The following PHF11 variants were observed in gnomAD, a reference collection of about 807,000 sequenced individuals.
PHF11 encodes the protein PHD finger protein 11.
Under a neutral mutation model 40.5 loss-of-function variants are expected in PHF11, and 38 were observed. The observed-to-expected ratio is 0.94, with a 90% CI of 0.72 to 1.23. The LOEUF (loss-of-function observed/expected upper bound fraction) is 1.23. Among genes scored for constraint, PHF11 ranks in the 50% most tolerant of loss-of-function variants. PHF11 has a pLI of 0.00. For synonymous variants in PHF11, 127 were observed against 138.2 expected (o/e 0.92, Z 0.57); for missense variants, 369 against 392.4 (o/e 0.94, Z 0.50).
In PHF11 at chr13:49,522,807, C is replaced by G. The variant is rs149460773; in HGVS notation, c.571-368C>G. ...TGAGACAGAGTCTCTCTCTGTCACC[C>G]AGGATGGAGTGCAATGGTGTGATCT... On this transcript the variant is annotated intron_variant, in intron 6 of 9. Transcript: ENST00000378319. 5.9e-3 allele frequency among the ~76,000 whole-genome samples: 826 copies of G among 140,544 alleles called. 5 individuals are homozygous for G. The highest frequency in any genetic ancestry group is 0.02 in the African/African-American group (751 of 37,122). The allele number at this position is 140,544 out of a possible 152,430, so 92.2% of individuals were successfully genotyped here.
chr13:49,527,882 T>G (rs1959378775), intron 9 of PHF11, among the ~76,000 whole-genome samples: 1 of 152,242 alleles, frequency 6.6e-6, no homozygotes, highest in African/African-American at 2.4e-5. Context: ...TTAGCCTTAC[T>G]CATATTTTAA....
intron 8 of PHF11, among the ~76,000 whole-genome samples, chr13:49,524,988 C>T (rs1377026579): frequency 1.3e-5 from 2 of 152,164 alleles, no homozygotes; most frequent in Non-Finnish European, 2.9e-5. Context: ...CCCCTGCCAC[C>T]GCCCTGCATT....
At chr13:49,496,150 C>T (rs902736561) in intron 1 of PHF11, 55 bp downstream of exon 1, 3 of 1,028,406 alleles carry the variant, frequency 2.9e-6, no homozygotes, top group Non-Finnish European at 3.8e-6. Flanking sequence ...GCGACGGGCC[C>T]GGTCAAGGGG....
intron 3 of PHF11, among the ~76,000 whole-genome samples, chr13:49,517,114 C>T (rs944533620): frequency 3.3e-5 from 5 of 152,126 alleles, no homozygotes; most frequent in Non-Finnish European, 7.3e-5. Context: ...CAGTTACCCT[C>T]CTCCCAAATT....
At chr13:49,504,774 G>C (rs368415524) in intron 1 of PHF11, among the ~76,000 whole-genome samples, 35 of 151,716 alleles carry the variant, frequency 2.3e-4, no homozygotes, top group East Asian at 2.1e-3. Flanking sequence ...GAATAGAAAG[G>C]GGGGAAAGGT....
rs1194609006 is a variant in PHF11 at position 49,522,085 on chromosome 13, C to T, written c.548C>T (p.Pro183Leu). 6.4e-7 allele frequency: 1 copy of T among 1,557,148 alleles called. No homozygotes were observed. The highest frequency in any genetic ancestry group is 1.1e-5 in the South Asian group (1 of 88,924). The change falls in exon 6 of 10, where the codon CCC becomes CTC. Residue 183 changes from proline to leucine, a missense_variant. Coordinates refer to ENST00000378319, the MANE Select transcript of PHF11 (RefSeq NM_001040443.3). ...AAAAGAAAAAGAGGAAGGAAGAAACCCCTCTCAGGCAATCATGTACAGGTA... is the reference window on the plus strand; with the variant it reads ...AAAAGAAAAAGAGGAAGGAAGAAACTCCTCTCAGGCAATCATGTACAGGTA... Reference protein sequence around the residue: ...GVKRKRGRKKPLSGNHVQPPE... With the variant: ...GVKRKRGRKKLLSGNHVQPPE...
intron 2 of PHF11, among the ~76,000 whole-genome samples, chr13:49,512,794 C>G (rs1160200692): frequency 6.6e-6 from 1 of 152,166 alleles, no homozygotes. Context: ...ATCAGACTGA[C>G]CCAGCTTGGC....
intron 8 of PHF11, 45 bp downstream of exon 8, chr13:49,524,261 G>T: frequency 1.4e-6 from 2 of 1,423,618 alleles, no homozygotes; most frequent in Non-Finnish European, 1.9e-6. Flanking sequence ...ACTTCTCCCA[G>T]ATCTAGATTT....
At chr13:49,512,549 C>G (rs544882088) in intron 2 of PHF11, among the ~76,000 whole-genome samples, 1 of 152,318 alleles carries the variant, frequency 6.6e-6, no homozygotes, top group South Asian at 2.1e-4. Context: ...TCAAGTAGCA[C>G]ATAGAGACTT....
chr13:49,526,025 C>T (rs1040567559), intron 8 of PHF11: 142 of 322,036 alleles, frequency 4.4e-4, no homozygotes, highest in African/African-American at 1.1e-3. Flanking sequence ...AAAAATTAGC[C>T]GGGCGTGGCG....
At chr13:49,499,396 C>A (rs1320810502) in intron 1 of PHF11, among the ~76,000 whole-genome samples, 1 of 152,206 alleles carries the variant, frequency 6.6e-6, no homozygotes, top group African/African-American at 2.4e-5. Flanking sequence ...AATATCCTAT[C>A]CTTAGGCTCC....
chr13:49,499,220 C>G (rs1958868279), intron 1 of PHF11, among the ~76,000 whole-genome samples: 1 of 152,170 alleles, frequency 6.6e-6, no homozygotes. Flanking sequence ...GAAACCAGCC[C>G]AATCTGAACT....
chr13:49,504,476 C>A (rs562698439), intron 1 of PHF11, among the ~76,000 whole-genome samples: 1 of 148,272 alleles, frequency 6.7e-6, no homozygotes, highest in Non-Finnish European at 1.5e-5. Flanking sequence ...TACTCCCCAG[C>A]CCCCCGCCCG....
intron 2 of PHF11, among the ~76,000 whole-genome samples, chr13:49,508,449 T>C (rs865887907): frequency 4.0e-5 from 6 of 149,470 alleles, no homozygotes; most frequent in Middle Eastern, 3.2e-3. Context: ...CTCCAATTAT[T>C]TAGGTCTTTT....
chr13:49,498,399 G>C (rs1248067460), intron 1 of PHF11, among the ~76,000 whole-genome samples: 3 of 130,824 alleles, frequency 2.3e-5, no homozygotes, highest in East Asian at 4.2e-4. Flanking sequence ...CATTCTGACA[G>C]TAACCTAGTA....
chr13:49,525,902 C>T (rs1246124244), intron 8 of PHF11: 10 of 427,526 alleles, frequency 2.3e-5, no homozygotes, highest in Non-Finnish European at 4.2e-5. Flanking sequence ...GGCGCGGTGG[C>T]TCACGCCTGT....
At chr13:49,496,481 C>A in intron 1 of PHF11, 1 of 1,004,140 alleles carries the variant, frequency 1.0e-6, no homozygotes, top group Non-Finnish European at 1.2e-6. Context: ...CGCCCTGATG[C>A]GGTGAGGCAG....
chr13:49,498,847 T>C (rs1057303294), intron 1 of PHF11, among the ~76,000 whole-genome samples: 1 of 152,156 alleles, frequency 6.6e-6, no homozygotes, highest in Non-Finnish European at 1.5e-5. Flanking sequence ...CATATAAACA[T>C]GTGAGTGCAC....
At chr13:49,507,060 T>G (rs1351881531) in intron 2 of PHF11, among the ~76,000 whole-genome samples, 1 of 151,734 alleles carries the variant, frequency 6.6e-6, no homozygotes, top group African/African-American at 2.4e-5. Context: ...CCCGCCACCA[T>G]GCCAGGCTAA....
Sources: gnomAD v4.1 joint callset for allele counts (sites outside exome capture counted in the v4.1 genomes callset) on GRCh38, gnomAD v4.1.1 for gene constraint, MANE v1.5 for transcripts, NCBI Gene and HGNC (gene_info 2026-07-23, HGNC 2026-07-21) for gene names.